The following ENOX2 variants were observed in gnomAD, a reference collection of about 807,000 sequenced individuals.
ENOX2 encodes the protein ecto-NOX disulfide-thiol exchanger 2.
Under a neutral mutation model 45.0 loss-of-function variants are expected in ENOX2, and 36 were observed. The ratio of observed to expected loss-of-function variants is 0.80; its 90% CI spans 0.61 to 1.06. The LOEUF (loss-of-function observed/expected upper bound fraction) is 1.06. ENOX2 is among the 50% of genes least tolerant of loss of function. The probability of loss-of-function intolerance (pLI) is 0.00; values close to 1 mark genes in which losing one functional copy is unlikely to be tolerated. For missense variants in ENOX2, 423 were observed against 462.5 expected (o/e 0.91, Z 0.78); for synonymous variants, 174 against 152.3 (o/e 1.14, Z -1.05).
At chrX:130,654,227 A>C (rs1382967535) in intron 10 of ENOX2, among the ~76,000 whole-genome samples, 1 of 112,136 alleles carries the variant, frequency 8.9e-6, no homozygotes, top group African/African-American at 3.2e-5. Context: ...CTTTGTGTAC[A>C]TCAGTCCTTT....
chrX:130,896,353 A>T (rs1420922122), intron 2 of ENOX2, among the ~76,000 whole-genome samples: 1 of 110,358 alleles, frequency 9.1e-6, no homozygotes, highest in Non-Finnish European at 1.9e-5. Context: ...TATCCCACTG[A>T]GAAAAAAAAA....
chrX:130,740,188 G>A (rs373427361), intron 3 of ENOX2, among the ~76,000 whole-genome samples: 3 of 111,738 alleles, frequency 2.7e-5, no homozygotes, highest in Admixed American at 9.4e-5. Context: ...ATCGCCTGAG[G>A]CCAGGAGTTT....
chrX:130,674,678 C>G (rs763077484), intron 6 of ENOX2, among the ~76,000 whole-genome samples: 8 of 109,385 alleles, frequency 7.3e-5, no homozygotes, highest in Non-Finnish European at 1.3e-4. Flanking sequence ...GCAGGTTAGT[C>G]ACATATGTAT....
At chrX:130,888,776 T>C (rs757969067) in intron 2 of ENOX2, among the ~76,000 whole-genome samples, 4 of 112,213 alleles carry the variant, frequency 3.6e-5, no homozygotes, top group Non-Finnish European at 5.6e-5. Flanking sequence ...TAAAATTCTA[T>C]AGCAGGGAAC....
chrX:130,786,708 C>A (rs1437702491), intron 2 of ENOX2, among the ~76,000 whole-genome samples: 1 of 88,762 alleles, frequency 1.1e-5, no homozygotes, highest in African/African-American at 4.2e-5. Flanking sequence ...CCAATTTCAT[C>A]CATGTCCCTA....
intron 2 of ENOX2, among the ~76,000 whole-genome samples, chrX:130,856,842 C>T (rs1430568063): frequency 9.0e-6 from 1 of 111,038 alleles, no homozygotes; most frequent in Non-Finnish European, 1.9e-5. Flanking sequence ...AAGTCAATAA[C>T]AAAGAAGTAT....
intron 2 of ENOX2, among the ~76,000 whole-genome samples, chrX:130,844,607 G>A (rs1233779985): frequency 8.9e-6 from 1 of 112,285 alleles, no homozygotes; most frequent in African/African-American, 3.2e-5. Flanking sequence ...TAAGATAAAA[G>A]TTAAGGATAA....
At chrX:130,839,098 T>C (rs184602048) in intron 2 of ENOX2, among the ~76,000 whole-genome samples, 1 of 112,535 alleles carries the variant, frequency 8.9e-6, no homozygotes, top group East Asian at 2.8e-4. Context: ...AAATTTAATC[T>C]TGTTGGTTAC....
chrX:130,710,436 T>C (rs1237493537), intron 3 of ENOX2, among the ~76,000 whole-genome samples: 2 of 111,994 alleles, frequency 1.8e-5, no homozygotes, highest in Non-Finnish European at 3.8e-5. Context: ...CAGGGGACAT[T>C]TGGCAGTATC....
intron 2 of ENOX2, among the ~76,000 whole-genome samples, chrX:130,878,151 T>A (rs1409669914): frequency 8.9e-6 from 1 of 112,229 alleles, no homozygotes; most frequent in Non-Finnish European, 1.9e-5. Context: ...TTAGATCATA[T>A]TCCATGTTAG....
chrX:130,857,063 T>C (rs2078320810), intron 2 of ENOX2, among the ~76,000 whole-genome samples: 1 of 112,035 alleles, frequency 8.9e-6, no homozygotes, highest in Non-Finnish European at 1.9e-5. Flanking sequence ...CACAAATGTG[T>C]ATTAACTGGT....
intron 4 of ENOX2, among the ~76,000 whole-genome samples, chrX:130,701,180 G>A (rs1190041203): frequency 9.0e-6 from 1 of 110,918 alleles, no homozygotes; most frequent in East Asian, 2.8e-4. Flanking sequence ...TTAGTCCCCT[G>A]GAACACAGCG....
intron 2 of ENOX2, among the ~76,000 whole-genome samples, chrX:130,865,486 G>A (rs1445655415): frequency 4.5e-5 from 5 of 112,081 alleles, no homozygotes; most frequent in Admixed American, 3.8e-4. Flanking sequence ...ACAGAGGTTT[G>A]TATCTGAAGA....
chrX:130,631,223 G>A (rs1268732302), intron 13 of ENOX2, among the ~76,000 whole-genome samples: 1 of 111,493 alleles, frequency 9.0e-6, no homozygotes, highest in Non-Finnish European at 1.9e-5. Flanking sequence ...TTAGCTTAGT[G>A]CTTGTACTGA....
chrX:130,641,718 C>CAAA (rs753792308), intron 10 of ENOX2, among the ~76,000 whole-genome samples: 48 of 34,672 alleles, frequency 1.4e-3, no homozygotes, highest in African/African-American at 4.9e-3. Flanking sequence ...ACTCCATCTC[C>CAAA]AAAAAAAAAA....
chrX:130,639,903 C>T (rs922356889), intron 10 of ENOX2, among the ~76,000 whole-genome samples: 2 of 111,922 alleles, frequency 1.8e-5, no homozygotes, highest in Non-Finnish European at 3.8e-5. Flanking sequence ...TGTCTTAGTC[C>T]GTTTTAACTG....
At chrX:130,626,435 C>T (rs1371389627) in intron 14 of ENOX2, among the ~76,000 whole-genome samples, 2 of 112,405 alleles carry the variant, frequency 1.8e-5, no homozygotes, top group African/African-American at 6.5e-5. Flanking sequence ...CAACTGTTAA[C>T]AGTGGTTATC....
intron 3 of ENOX2, among the ~76,000 whole-genome samples, chrX:130,781,434 T>C (rs1284235851): frequency 8.9e-6 from 1 of 112,430 alleles, no homozygotes; most frequent in Non-Finnish European, 1.9e-5. Context: ...TAAAATCCTA[T>C]ATGTGCAAGT....
chrX:130,710,384 G>A (rs1003162697), intron 3 of ENOX2, among the ~76,000 whole-genome samples: 1 of 112,117 alleles, frequency 8.9e-6, no homozygotes, highest in Non-Finnish European at 1.9e-5. Flanking sequence ...TATACAGATG[G>A]GTACTCTCAA....
Sources: gnomAD v4.1 joint callset for allele counts (sites outside exome capture counted in the v4.1 genomes callset) on GRCh38, gnomAD v4.1.1 for gene constraint, MANE v1.5 for transcripts, NCBI Gene and HGNC (gene_info 2026-07-23, HGNC 2026-07-21) for gene names.